The following HNF1B variants were observed in gnomAD, a reference collection of about 807,000 sequenced individuals.
HNF1B encodes the protein HNF1 homeobox B, also known as hepatocyte nuclear factor 1-beta.
HNF1B carries 8 observed loss-of-function variants against 61.7 expected under a neutral mutation model. That is an observed-to-expected ratio of 0.13 (90% confidence interval 0.08 to 0.23). The LOEUF (loss-of-function observed/expected upper bound fraction) is 0.23, where lower values mean the gene tolerates loss of function less well. Among genes scored for constraint, HNF1B ranks in the 10% least tolerant of loss-of-function variants. The pLI is 1.00. For missense variants in HNF1B, 562 were observed against 714.5 expected (o/e 0.79, Z 2.43); for synonymous variants, 314 against 287.7 (o/e 1.09, Z -0.93).
chr17:37,720,721 G>A, intron 4 of HNF1B: 1 of 910,792 alleles, frequency 1.1e-6, no homozygotes, highest in Non-Finnish European at 1.3e-6. Context: ...GAGACACAAT[G>A]ATGAAGAAAG....
rs575880828 is a variant in HNF1B at position 37,700,919 on chromosome 17, A to T, written c.1534+64T>A. ...CTTCCGAGAAAGTTCAGACCCAGAG[A>T]GGGAAAGTGGTTGGCCACTGAGGGT... On this transcript the variant is annotated intron_variant, in intron 7 of 8. Coordinates refer to ENST00000617811, the MANE Select transcript of HNF1B (RefSeq NM_000458.4). 3 of 1,438,836 alleles carry T rather than the reference A, an allele frequency of 2.1e-6. No homozygotes were observed. In the African/African-American group the frequency reaches 4.2e-5, roughly 20 times the overall value. 89.1% of individuals were successfully genotyped at this position (1,438,836 alleles called of 1,614,324 possible). A position where few individuals can be genotyped will look rare whatever the true frequency, so the allele number is the denominator to read the frequency against.
intron 8 of HNF1B, among the ~76,000 whole-genome samples, chr17:37,695,245 C>T (rs1396423251): frequency 1.3e-5 from 2 of 152,224 alleles, no homozygotes; most frequent in South Asian, 2.1e-4. Context: ...ACAGCTCAGA[C>T]CACCACTCTA....
intron 1 of HNF1B, 94 bp from the exon 2 acceptor site, chr17:37,739,733 A>G: frequency 8.2e-7 from 1 of 1,213,598 alleles, no homozygotes. Flanking sequence ...TCTATGCAAA[A>G]TTCTGAATTT....
In HNF1B at chr17:37,710,644, C is replaced by T. The variant is rs2032903784; in HGVS notation, c.1065G>A (p.Gln355=). Residue 355 remains glutamine (Q), a synonymous_variant, in exon 5 of 9, where the codon CAG becomes CAA. Transcript: ENST00000617811. The part of the protein sequence containing the change: ...NKLSGVRYSQ[Q]GNNEITSSST... ...AGGAGGAAGTGATCTCATTGTTTCC[C>T]TGCTGGCTGTAGCGCACTCCTGCAA... The T allele has an allele frequency of 1.2e-6, 2 of 1,613,948 alleles. No homozygotes were observed. The highest frequency in any genetic ancestry group is 1.3e-5 in the African/African-American group (1 of 74,918).
At chr17:37,706,053 G>A (rs559542600) in intron 5 of HNF1B, among the ~76,000 whole-genome samples, 130 of 152,236 alleles carry the variant, frequency 8.5e-4, no homozygotes, top group African/African-American at 2.9e-3. Context: ...CCGCCTTGTG[G>A]GTTCAAGCAA....
intron 4 of HNF1B, among the ~76,000 whole-genome samples, chr17:37,720,080 G>A (rs976697586): frequency 1.3e-5 from 2 of 152,188 alleles, no homozygotes; most frequent in Non-Finnish European, 2.9e-5. Flanking sequence ...CACTGAGATA[G>A]GAGCACCAGC....
chr17:37,743,034 C>A (rs773319254), intron 1 of HNF1B, among the ~76,000 whole-genome samples: 1 of 152,158 alleles, frequency 6.6e-6, no homozygotes. Flanking sequence ...ATTAATAACA[C>A]CCCAACTCCA....
At chr17:37,720,102 G>C (rs909569456) in intron 4 of HNF1B, among the ~76,000 whole-genome samples, 2 of 152,188 alleles carry the variant, frequency 1.3e-5, no homozygotes, top group African/African-American at 4.8e-5. Context: ...AAGTGCTCAG[G>C]GAGCACCACC....
intron 8 of HNF1B, among the ~76,000 whole-genome samples, chr17:37,697,243 C>T (rs1007727921): frequency 6.6e-6 from 1 of 152,194 alleles, no homozygotes; most frequent in Non-Finnish European, 1.5e-5. Flanking sequence ...TAACGTGCCA[C>T]GTGAGTATTT....
At chr17:37,736,970 A>G (rs2033850234) in intron 2 of HNF1B, among the ~76,000 whole-genome samples, 1 of 152,200 alleles carries the variant, frequency 6.6e-6, no homozygotes, top group African/African-American at 2.4e-5. Context: ...GAAAATGTTC[A>G]TTGCCCATGA....
At chr17:37,694,055 A>C (rs1039512238) in intron 8 of HNF1B, among the ~76,000 whole-genome samples, 3 of 152,198 alleles carry the variant, frequency 2.0e-5, no homozygotes, top group African/African-American at 7.2e-5. Flanking sequence ...TAAGTTACCC[A>C]GCCTCAGGTA....
chr17:37,724,170 T>C (rs58268018), intron 4 of HNF1B, among the ~76,000 whole-genome samples: 1 of 152,136 alleles, frequency 6.6e-6, no homozygotes, highest in South Asian at 2.1e-4. Context: ...TGGGAACTTG[T>C]TGAAAATGCA....
chr17:37,705,644 C>G (rs1249411897), intron 5 of HNF1B, among the ~76,000 whole-genome samples: 3 of 152,212 alleles, frequency 2.0e-5, no homozygotes, highest in Admixed American at 1.3e-4. Context: ...TACATGACCA[C>G]TTCACTGAAT....
chr17:37,696,775 A>G (rs1368131880), intron 8 of HNF1B, among the ~76,000 whole-genome samples: 1 of 152,222 alleles, frequency 6.6e-6, no homozygotes, highest in African/African-American at 2.4e-5. Flanking sequence ...AAAAAGCAGA[A>G]TTGCCATCAG....
Position 37,710,878 on chromosome 17 carries a change from A to C in HNF1B, c.1046-215T>G, listed in dbSNP as rs1426790859. Among the ~76,000 whole-genome samples the C allele has an allele frequency of 3.3e-5, 5 of 152,334 alleles. 1 individual carries two copies. The South Asian group carries it at 1.0e-3, about 32-fold the overall frequency. ...GAATGTAAGCGCCACGAGGGCAGGA[A>C]ATTTTTATCTCGTTTGTTTTGTTCA... On this transcript the variant is annotated intron_variant, in intron 4 of 8. Transcript: ENST00000617811.
chr17:37,699,249 G>C (rs770710546), intron 7 of HNF1B, 55 bp from the exon 8 acceptor site: 4 of 1,333,222 alleles, frequency 3.0e-6, no homozygotes, highest in Non-Finnish European at 4.3e-6. Context: ...AAAGACACAG[G>C]TACAGAGCCC....
chr17:37,720,871 T>C, intron 4 of HNF1B: 1 of 985,274 alleles, frequency 1.0e-6, no homozygotes, highest in Non-Finnish European at 1.2e-6. Flanking sequence ...GCAAACCCTC[T>C]AGTTCCCCTG....
chr17:37,721,065 C>A, intron 4 of HNF1B: 1 of 540,340 alleles, frequency 1.9e-6, no homozygotes, highest in Non-Finnish European at 2.4e-6. Context: ...TCACTGCCAA[C>A]CCAGTCCAAT....
At chr17:37,713,111 C>T (rs982456738) in intron 4 of HNF1B, among the ~76,000 whole-genome samples, 5 of 152,220 alleles carry the variant, frequency 3.3e-5, no homozygotes, top group African/African-American at 1.2e-4. Flanking sequence ...CTCCTGCTTT[C>T]TCTGACTCCC....
Sources: allele counts gnomAD v4.1 joint callset (sites outside exome capture counted in the v4.1 genomes callset), GRCh38; gene constraint gnomAD v4.1.1; transcripts MANE v1.5; gene names NCBI Gene and HGNC (gene_info 2026-07-23, HGNC 2026-07-21).